Variants in IDH3A observed in about 807,000 individuals in gnomAD.
The protein encoded by IDH3A is isocitrate dehydrogenase [NAD] subunit alpha, mitochondrial.
In IDH3A, 23 loss-of-function variants were observed where a neutral mutation model predicts 43.3. The ratio of observed to expected loss-of-function variants is 0.53; its 90% CI spans 0.38 to 0.75. The LOEUF is 0.75. Ranked by LOEUF, IDH3A falls within the 30% of genes least tolerant of loss-of-function variation. The probability of loss-of-function intolerance (pLI) is 0.00; values close to 1 mark genes in which losing one functional copy is unlikely to be tolerated. For synonymous variants in IDH3A, 154 were observed against 163.5 expected (o/e 0.94, Z 0.44); for missense variants, 329 against 474.4 (o/e 0.69, Z 2.85).
chr15:78,160,008 A>C, intron 3 of IDH3A, 84 bp from the exon 4 acceptor site: 1 of 840,718 alleles, frequency 1.2e-6, no homozygotes, highest in Non-Finnish European at 2.1e-6. Flanking sequence ...AACGAAGTTG[A>C]AAAAGTTTGT....
intron 1 of IDH3A, among the ~76,000 whole-genome samples, chr15:78,153,329 A>T (rs1471520133): frequency 6.6e-6 from 1 of 152,220 alleles, no homozygotes; most frequent in African/African-American, 2.4e-5. Flanking sequence ...GTCTTCTGTC[A>T]CAAGGACATG....
At chr15:78,162,545 G>GTT (rs34495427) in intron 6 of IDH3A, among the ~76,000 whole-genome samples, 178 bp downstream of exon 6, 32 of 120,194 alleles carry the variant, frequency 2.7e-4, no homozygotes, top group African/African-American at 4.3e-4. Context: ...TTTCTCCTCT[G>GTT]TTTTTTTTTT....
In IDH3A at chr15:78,164,986, C is replaced by T. The variant is rs200728505; in HGVS notation, c.780-6C>T. On this transcript the variant is annotated splice_region_variant and splice_polypyrimidine_tract_variant and intron_variant, in intron 8 of 10. Transcript: ENST00000299518. ...AACATTCTTTGAAATGCTTTTCTTC[C>T]GCTAGTGACTTGTGTGCAGGATTGA... is the stretch of plus-strand genomic sequence containing the variant. 7.3e-5 allele frequency: 118 copies of T among 1,607,630 alleles called. No individual in the cohort carries two copies. The highest frequency in any genetic ancestry group is 1.2e-4 in the Admixed American group (7 of 59,356).
intron 3 of IDH3A, among the ~76,000 whole-genome samples, chr15:78,158,801 G>A (rs1404256646): frequency 6.6e-6 from 1 of 151,076 alleles, no homozygotes; most frequent in African/African-American, 2.4e-5. Context: ...ACAGCTTTAT[G>A]GAGATATCAT....
intron 4 of IDH3A, among the ~76,000 whole-genome samples, chr15:78,160,424 A>G (rs1277961976): frequency 6.6e-6 from 1 of 152,210 alleles, no homozygotes; most frequent in African/African-American, 2.4e-5. Flanking sequence ...GATGCCAAAT[A>G]ACAGTATCTC....
intron 2 of IDH3A, 157 bp from the exon 3 acceptor site, chr15:78,157,391 C>T (rs1236626738): frequency 1.6e-6 from 1 of 626,272 alleles, no homozygotes; most frequent in Non-Finnish European, 2.6e-6. Context: ...TCCTGCCTCC[C>T]CTTTGATGAC....
chr15:78,168,689 C>G (rs1307417958), intron 10 of IDH3A: 2 of 337,640 alleles, frequency 5.9e-6, no homozygotes, highest in African/African-American at 4.2e-5. Flanking sequence ...CCCTTTGCAT[C>G]AAGAGCACCT....
intron 1 of IDH3A, among the ~76,000 whole-genome samples, chr15:78,152,784 T>A (rs1367765149): frequency 6.6e-6 from 1 of 152,118 alleles, no homozygotes; most frequent in Non-Finnish European, 1.5e-5. Context: ...TATTCTAAGA[T>A]CATGCAAGAG....
chr15:78,162,493 A>C, intron 6 of IDH3A, 126 bp downstream of exon 6: 7 of 1,001,360 alleles, frequency 7.0e-6, no homozygotes, highest in Non-Finnish European at 1.0e-5. Context: ...ACTTTGTAAC[A>C]ATCCAAAGAT....
intron 1 of IDH3A, among the ~76,000 whole-genome samples, chr15:78,154,254 A>G (rs2074605991): frequency 6.6e-6 from 1 of 150,994 alleles, no homozygotes; most frequent in Admixed American, 6.6e-5. Flanking sequence ...GGTAACTTTT[A>G]TTTTATATTT....
At chr15:78,157,767 A>C (rs879549395) in intron 3 of IDH3A, 136 bp downstream of exon 3, 10 of 588,740 alleles carry the variant, frequency 1.7e-5, no homozygotes, top group Admixed American at 3.2e-5. Flanking sequence ...ATCTCCACCG[A>C]TTGTCACTTT....
rs1219531614 is a variant in IDH3A, at chr15:78,166,519, G to A, written c.1017+217G>A. ...GATCTAGATATTTCATCCAAAAAAA[G>A]TTAAGCAGCACTGATGTATAGACAT... On this transcript the variant is annotated intron_variant, in intron 10 of 10. Transcript: ENST00000299518. 4 of 563,858 alleles carry A rather than the reference G, an allele frequency of 7.1e-6. No homozygotes were observed. The East Asian group carries it at 9.3e-5, about 13-fold the overall frequency. 34.9% of individuals were successfully genotyped at this position (563,858 alleles called of 1,614,324 possible). A position where few individuals can be genotyped will look rare whatever the true frequency, so the allele number is the denominator to read the frequency against.
chr15:78,162,402 C>T, intron 6 of IDH3A, 35 bp downstream of exon 6: 2 of 1,608,250 alleles, frequency 1.2e-6, no homozygotes, highest in Non-Finnish European at 1.7e-6. Flanking sequence ...CCCCATCTTG[C>T]TTTGTTGTGG....
At chr15:78,149,676 G>C (rs2141935241) in intron 1 of IDH3A, among the ~76,000 whole-genome samples, 1 of 152,304 alleles carries the variant, frequency 6.6e-6, no homozygotes, top group South Asian at 2.1e-4. Context: ...GTCAAGGCGG[G>C]GGGGCGCCGG....
At chr15:78,151,580 T>C in intron 1 of IDH3A, 1 of 123,150 alleles carries the variant, frequency 8.1e-6, no homozygotes, top group East Asian at 2.4e-4. Flanking sequence ...AAAAAAAAGA[T>C]TTTTTTTTTA....
At position 78,155,289 on chromosome 15, in the gene IDH3A, T is replaced by C. The variant is rs749194531; in HGVS notation, c.90+14T>C. On this transcript the variant is annotated intron_variant, in intron 2 of 10. Coordinates refer to ENST00000299518, the MANE Select transcript of IDH3A (RefSeq NM_005530.3). ...TTTACTGGTGGTGTGAGTATAATTA[T>C]GTCTTTTATTTTTTCCTTTTAGAAG... 17 of 1,589,012 alleles carry C rather than the reference T, an allele frequency of 1.1e-5. No homozygotes were observed. Among genetic ancestry groups the C allele is most frequent in the Non-Finnish European group, 1.1e-5 (13 of 1,159,824 alleles).
intron 3 of IDH3A, 182 bp from the exon 4 acceptor site, chr15:78,159,910 G>A (rs773676859): frequency 1.2e-5 from 6 of 518,882 alleles, no homozygotes; most frequent in South Asian, 2.4e-5. Context: ...CATGAGAATC[G>A]CTGGAACCTG....
chr15:78,169,956 C>T lies in IDH3A; in HGVS notation c.*951C>T, dbSNP rs1056142958. 5.3e-5 allele frequency: 8 copies of T among 152,254 alleles called. No homozygotes were observed. The highest frequency in any genetic ancestry group is 2.6e-4 in the Admixed American group (4 of 15,286). The allele number at this position is 152,254 out of a possible 1,614,324, so 9.4% of individuals were successfully genotyped here. A position where few individuals can be genotyped will look rare whatever the true frequency, so the allele number is the denominator to read the frequency against. ...ATGTATTTTGGCTGCAATTGAGGAA[C>T]TTGGGATGCTATTAATTTTGTATTT... On this transcript the variant is annotated 3_prime_UTR_variant, in exon 11 of 11. Coordinates refer to ENST00000299518, the MANE Select transcript of IDH3A (RefSeq NM_005530.3).
At position 78,163,598 on chromosome 15, in the gene IDH3A, G is replaced by C; in HGVS notation, c.703G>C (p.Val235Leu). The change falls in exon 7 of 11, where the codon GTA (valine) becomes CTA (leucine). Residue 235 changes from valine (V) to leucine (L), a missense_variant. By Grantham distance (32) the Val-to-Leu change is conservative. Coordinates refer to ENST00000299518, the MANE Select transcript of IDH3A (RefSeq NM_005530.3). The part of the protein sequence containing the change: ...IKFNEMYLDT[V>L]CLNMVQDPSQ... The stretch of plus-strand genomic sequence containing the variant: ...ATTTAATGAGATGTACCTTGATACA[G>C]TATGTTTGAATGTAAGTATATATTC... 1 of 1,600,356 alleles carries C rather than the reference G, an allele frequency of 6.2e-7. No individual in the cohort carries two copies. Among genetic ancestry groups the C allele is most frequent in the Non-Finnish European group, 8.6e-7 (1 of 1,167,718 alleles).
Sources: allele counts gnomAD v4.1 joint callset (sites outside exome capture counted in the v4.1 genomes callset), GRCh38; gene constraint gnomAD v4.1.1; transcripts MANE v1.5; gene names NCBI Gene and HGNC (gene_info 2026-07-23, HGNC 2026-07-21).